Variants in DLGAP2 observed in about 807,000 individuals in gnomAD.
DLGAP2 encodes DLG associated protein 2.
A neutral mutation model predicts 100.3 loss-of-function variants in DLGAP2; 26 were observed. The ratio of observed to expected loss-of-function variants is 0.26; its 90% CI spans 0.19 to 0.36. DLGAP2 has a LOEUF of 0.36. Ranked by LOEUF, DLGAP2 falls within the 10% of genes least tolerant of loss-of-function variation. The probability of loss-of-function intolerance (pLI) is 1.00; values close to 1 mark genes in which losing one functional copy is unlikely to be tolerated. For missense variants in DLGAP2, 1,858 were observed against 1,453.2 expected (o/e 1.28, Z -4.53); for synonymous variants, 886 against 630.1 (o/e 1.41, Z -6.08).
intron 3 of DLGAP2, among the ~76,000 whole-genome samples, chr8:1,370,533 T>C (rs1466581043): frequency 6.6e-6 from 1 of 152,244 alleles, no homozygotes; most frequent in Admixed American, 6.5e-5. Flanking sequence ...ATTTCTTTTG[T>C]GTTTCATTTG....
In DLGAP2 at chr8:1,197,839, G is replaced by A. The variant is rs149634700; in HGVS notation, c.74-61012G>A. ...CCTCCTGCAGCGTTCCCTCCCATGG[G>A]GGATGAGTGGAATCAGGTTTCTCGT... On this transcript the variant is annotated intron_variant, in intron 2 of 14. Transcript: ENST00000637795. 1.4e-3 allele frequency among the ~76,000 whole-genome samples: 209 copies of A among 152,296 alleles called. 1 individual carries two copies. Among genetic ancestry groups the A allele is most frequent in the Admixed American group, 4.5e-3 (69 of 15,310 alleles).
intron 3 of DLGAP2, among the ~76,000 whole-genome samples, chr8:1,344,211 G>GTCTGTGTACT (rs1801502148): frequency 8.8e-6 from 1 of 113,172 alleles, no homozygotes; most frequent in East Asian, 4.1e-4. Context: ...GCCCTGTCGT[G>GTCTGTGTACT]GGGCCTGTGC....
At chr8:1,496,809 G>T (rs12543934) in intron 3 of DLGAP2, among the ~76,000 whole-genome samples, 2 of 152,174 alleles carry the variant, frequency 1.3e-5, no homozygotes, top group South Asian at 4.1e-4. Context: ...CCATCCGCAC[G>T]TTCGCTGCTG....
intron 3 of DLGAP2, among the ~76,000 whole-genome samples, chr8:1,286,262 T>TC (rs1365016762): frequency 1.3e-5 from 2 of 152,224 alleles, no homozygotes; most frequent in Non-Finnish European, 2.9e-5. Flanking sequence ...TGATTGTAAG[T>TC]TTCCTGAGGC....
At chr8:1,381,023 T>G (rs1796081799) in intron 3 of DLGAP2, 1 of 151,390 alleles carries the variant, frequency 6.6e-6, no homozygotes, top group African/African-American at 2.4e-5. Context: ...TATTTATATT[T>G]TACTTAAATA....
intron 13 of DLGAP2, among the ~76,000 whole-genome samples, chr8:1,696,052 G>T (rs1001448444): frequency 3.3e-5 from 5 of 152,222 alleles, no homozygotes; most frequent in African/African-American, 9.6e-5. Flanking sequence ...TCGCAGAGCT[G>T]TCCGTTCAGC....
At chr8:756,206 G>T (rs1049257594) in intron 1 of DLGAP2, among the ~76,000 whole-genome samples, 3 of 152,062 alleles carry the variant, frequency 2.0e-5, no homozygotes, top group Admixed American at 1.3e-4. Context: ...GCTGGCGTCT[G>T]GGGGGGATAC....
chr8:1,595,995 T>G (rs1178680913), intron 6 of DLGAP2, among the ~76,000 whole-genome samples: 1 of 151,924 alleles, frequency 6.6e-6, no homozygotes, highest in African/African-American at 2.4e-5. Flanking sequence ...TAGCATTAGG[T>G]GTAACCCCTA....
chr8:977,477 A>G (rs1182391754), intron 2 of DLGAP2, among the ~76,000 whole-genome samples: 1 of 152,218 alleles, frequency 6.6e-6, no homozygotes, highest in Non-Finnish European at 1.5e-5. Context: ...TGATATAGCA[A>G]AATATCTTTC....
At chr8:1,587,892 CATG>C (rs1019196942) in intron 6 of DLGAP2, among the ~76,000 whole-genome samples, 13 of 152,044 alleles carry the variant, frequency 8.6e-5, no homozygotes, top group African/African-American at 3.1e-4. Flanking sequence ...TTAAGTCATT[CATG>C]ATAACACTCA....
intron 3 of DLGAP2, among the ~76,000 whole-genome samples, chr8:1,316,244 A>G (rs867485903): frequency 7.8e-6 from 1 of 127,620 alleles, no homozygotes; most frequent in African/African-American, 2.9e-5. Flanking sequence ...CACTCGAGAA[A>G]CTCGGCAGCT....
rs975747508 is a variant in DLGAP2 at position 1,025,359 on chromosome 8, C to T, written c.73+117393C>T. Among the ~76,000 whole-genome samples the T allele has an allele frequency of 2.6e-5, 4 of 152,120 alleles. No homozygotes were observed. The East Asian group carries it at 5.8e-4, about 22-fold the overall frequency. On this transcript the variant is annotated intron_variant, in intron 2 of 14. Transcript: ENST00000637795. Reference sequence around the variant, plus strand: ...CTGTTCTCTTGGTCTCTGTCCAGCACGTCTTCCCATAAACTTAACTGAGCC... The same window carrying T: ...CTGTTCTCTTGGTCTCTGTCCAGCATGTCTTCCCATAAACTTAACTGAGCC...
chr8:1,118,730 A>C (rs1014780887), intron 2 of DLGAP2, among the ~76,000 whole-genome samples: 2 of 152,176 alleles, frequency 1.3e-5, no homozygotes, highest in African/African-American at 4.8e-5. Context: ...AGATAAATAT[A>C]CATGTACTAT....
At chr8:834,072 G>A (rs1008584747) in intron 1 of DLGAP2, among the ~76,000 whole-genome samples, 4 of 152,292 alleles carry the variant, frequency 2.6e-5, no homozygotes, top group African/African-American at 9.6e-5. Context: ...ATTAGGGGAA[G>A]CAGAAACCAG....
At chr8:1,273,294 G>C (rs1376189428) in intron 3 of DLGAP2, among the ~76,000 whole-genome samples, 4 of 152,098 alleles carry the variant, frequency 2.6e-5, no homozygotes. Context: ...GGAGCCACGT[G>C]GGCTGCTCTG....
chr8:1,348,575 G>A (rs74358263), intron 3 of DLGAP2, among the ~76,000 whole-genome samples: 37 of 141,484 alleles, frequency 2.6e-4, no homozygotes, highest in Non-Finnish European at 4.3e-4. Flanking sequence ...CTATGTGGAG[G>A]TTGAGTTCCC....
chr8:1,159,725 G>A (rs996702023), intron 2 of DLGAP2, among the ~76,000 whole-genome samples: 1 of 152,184 alleles, frequency 6.6e-6, no homozygotes, highest in Non-Finnish European at 1.5e-5. Flanking sequence ...GTTATACGGA[G>A]TTTGAGGCTA....
At chr8:1,533,993 A>G (rs1435451120) in intron 4 of DLGAP2, among the ~76,000 whole-genome samples, 6 of 152,200 alleles carry the variant, frequency 3.9e-5, no homozygotes, top group Admixed American at 6.5e-5. Flanking sequence ...TCAAAATTAC[A>G]TTTGCTTATG....
At chr8:1,044,463 G>A (rs952364035) in intron 2 of DLGAP2, among the ~76,000 whole-genome samples, 8 of 152,202 alleles carry the variant, frequency 5.3e-5, no homozygotes, top group African/African-American at 1.2e-4. Context: ...CCGCACCTGC[G>A]TGACCACCTG....
Sources: gnomAD v4.1 joint callset for allele counts (sites outside exome capture counted in the v4.1 genomes callset) on GRCh38, gnomAD v4.1.1 for gene constraint, MANE v1.5 for transcripts, NCBI Gene and HGNC (gene_info 2026-07-23, HGNC 2026-07-21) for gene names.